ZMAT4: variants seen among roughly 807,000 people sequenced by gnomAD.
ZMAT4 encodes the protein zinc finger matrin-type 4, also known as zinc finger matrin-type protein 4.
ZMAT4 carries 17 observed loss-of-function variants against 28.7 expected under a neutral mutation model. The ratio of observed to expected loss-of-function variants is 0.59; its 90% confidence interval spans 0.41 to 0.89. The LOEUF is 0.89. ZMAT4 is among the 40% of genes least tolerant of loss of function. The probability of loss-of-function intolerance (pLI) is 0.00; values close to 1 mark genes in which losing one functional copy is unlikely to be tolerated. For synonymous variants in ZMAT4, 117 were observed against 109.2 expected (o/e 1.07, Z -0.44); for missense variants, 240 against 283.8 (o/e 0.85, Z 1.11).
At chr8:40,794,796 A>G (rs1814516462) in intron 2 of ZMAT4, among the ~76,000 whole-genome samples, 1 of 151,892 alleles carries the variant, frequency 6.6e-6, no homozygotes. Flanking sequence ...AGCTGGGGAC[A>G]CAAACGGCCA....
intron 1 of ZMAT4, among the ~76,000 whole-genome samples, chr8:40,847,950 G>A (rs1816968723): frequency 6.6e-6 from 1 of 152,212 alleles, no homozygotes; most frequent in African/African-American, 2.4e-5. Context: ...CACACATGAT[G>A]TGTCCTCTAA....
chr8:40,650,727 C>G (rs1380809676), intron 5 of ZMAT4, among the ~76,000 whole-genome samples: 2 of 134,284 alleles, frequency 1.5e-5, no homozygotes, highest in Non-Finnish European at 3.2e-5. Context: ...GCTTATCCAC[C>G]ATGATCAAGT....
chr8:40,579,794 T>C (rs1313008064), intron 6 of ZMAT4, among the ~76,000 whole-genome samples: 3 of 152,168 alleles, frequency 2.0e-5, no homozygotes, highest in Non-Finnish European at 4.4e-5. Flanking sequence ...GATGCTGTGC[T>C]AGGAAACAAG....
intron 2 of ZMAT4, among the ~76,000 whole-genome samples, chr8:40,789,063 A>G (rs1814213994): frequency 2.3e-5 from 3 of 130,288 alleles, no homozygotes; most frequent in Non-Finnish European, 3.3e-5. Flanking sequence ...AAGGGAAGGG[A>G]AGGGAGGGAA....
chr8:40,713,844 G>C (rs1810728792), intron 3 of ZMAT4, among the ~76,000 whole-genome samples: 1 of 150,120 alleles, frequency 6.7e-6, no homozygotes, highest in South Asian at 2.1e-4. Flanking sequence ...AGGAGGTGGA[G>C]GTTGCAGTGA....
intron 6 of ZMAT4, among the ~76,000 whole-genome samples, chr8:40,576,793 C>A (rs898739451): frequency 2.0e-5 from 3 of 152,116 alleles, no homozygotes; most frequent in African/African-American, 7.2e-5. Flanking sequence ...GAAAAACCAC[C>A]AAACTGCAAA....
intron 3 of ZMAT4, among the ~76,000 whole-genome samples, chr8:40,700,687 G>A (rs533501356): frequency 2.4e-4 from 36 of 152,168 alleles, no homozygotes; most frequent in African/African-American, 8.2e-4. Context: ...GCCTCCCAAA[G>A]TGCTGGGATT....
rs1032098828 is a variant in ZMAT4 at position 40,677,169 on chromosome 8, G to T, written c.350-2238C>A. ...ATACCTTCTACACCATATCCTGGTA[G>T]GAGTGAGGCACAATAGAATATTCAT... On this transcript the variant is annotated intron_variant, in intron 4 of 6. Coordinates refer to ENST00000297737, the MANE Select transcript of ZMAT4 (RefSeq NM_024645.3). Among the ~76,000 whole-genome samples the T allele has an allele frequency of 5.3e-5, 8 of 152,248 alleles. No individual in the cohort carries two copies. In the East Asian group the frequency reaches 1.5e-3, roughly 29 times the overall value.
chr8:40,682,380 G>A (rs1329797280), intron 4 of ZMAT4, among the ~76,000 whole-genome samples: 1 of 152,148 alleles, frequency 6.6e-6, no homozygotes, highest in African/African-American at 2.4e-5. Flanking sequence ...AATATAATGT[G>A]AAAGTACCAG....
chr8:40,663,389 T>C (rs1808282018), intron 5 of ZMAT4, among the ~76,000 whole-genome samples: 1 of 152,166 alleles, frequency 6.6e-6, no homozygotes, highest in Non-Finnish European at 1.5e-5. Context: ...AGATATTATC[T>C]TCTCCCCCTC....
chr8:40,781,526 G>A (rs1397596420), intron 2 of ZMAT4, among the ~76,000 whole-genome samples: 1 of 151,862 alleles, frequency 6.6e-6, no homozygotes, highest in East Asian at 1.9e-4. Flanking sequence ...ACTTTGGGAG[G>A]CCGAGGCGGG....
chr8:40,682,291 G>T (rs1171436426), intron 4 of ZMAT4, among the ~76,000 whole-genome samples: 1 of 152,160 alleles, frequency 6.6e-6, no homozygotes, highest in Non-Finnish European at 1.5e-5. Flanking sequence ...AATCTCAGAA[G>T]ATTTTATTTG....
chr8:40,808,999 G>A (rs2150594228), intron 2 of ZMAT4, among the ~76,000 whole-genome samples: 1 of 152,172 alleles, frequency 6.6e-6, no homozygotes, highest in South Asian at 2.1e-4. Flanking sequence ...CTGTCAAAAA[G>A]ACACATACAC....
intron 1 of ZMAT4, among the ~76,000 whole-genome samples, chr8:40,886,704 T>C (rs1818462246): frequency 6.6e-6 from 1 of 152,204 alleles, no homozygotes; most frequent in South Asian, 2.1e-4. Context: ...TGAACATCCC[T>C]CCTGGGTTCT....
At chr8:40,532,289 C>G in intron 6 of ZMAT4, 51 bp from the exon 7 acceptor site, 1 of 1,538,078 alleles carries the variant, frequency 6.5e-7, no homozygotes. Flanking sequence ...ATTACAAATT[C>G]CAACACCTCT....
intron 5 of ZMAT4, among the ~76,000 whole-genome samples, chr8:40,666,388 A>G (rs1237255146): frequency 6.6e-6 from 1 of 152,166 alleles, no homozygotes; most frequent in Admixed American, 6.5e-5. Context: ...CAAGTTATGC[A>G]TATTCATAAC....
chr8:40,716,763 C>T (rs1236986577), intron 3 of ZMAT4, among the ~76,000 whole-genome samples: 1 of 152,196 alleles, frequency 6.6e-6, no homozygotes, highest in East Asian at 1.9e-4. Context: ...AGCAGGAGAT[C>T]TTCATTACTA....
At chr8:40,876,391 G>A (rs1429729614) in intron 1 of ZMAT4, among the ~76,000 whole-genome samples, 1 of 152,156 alleles carries the variant, frequency 6.6e-6, no homozygotes, top group Non-Finnish European at 1.5e-5. Context: ...CATGATCATA[G>A]CTCCATAGCC....
intron 1 of ZMAT4, among the ~76,000 whole-genome samples, chr8:40,838,492 G>A (rs1816579744): frequency 6.6e-6 from 1 of 152,172 alleles, no homozygotes; most frequent in Non-Finnish European, 1.5e-5. Context: ...ACAAGTGTGT[G>A]CCACCATGCC....
Sources: gnomAD v4.1 joint callset for allele counts (sites outside exome capture counted in the v4.1 genomes callset) on GRCh38, gnomAD v4.1.1 for gene constraint, MANE v1.5 for transcripts, NCBI Gene and HGNC (gene_info 2026-07-23, HGNC 2026-07-21) for gene names.